Variants in MALRD1 observed in about 807,000 individuals in gnomAD.
MALRD1 encodes MAM and LDL receptor class A domain containing 1, also known as MAM and LDL-receptor class A domain-containing protein 1.
MALRD1 carries 247 observed loss-of-function variants against 242.1 expected under a neutral mutation model. The ratio of observed to expected loss-of-function variants is 1.02; its 90% CI spans 0.92 to 1.13. The LOEUF is 1.13. Ranked by LOEUF, MALRD1 falls within the 50% of genes most tolerant of loss-of-function variation. The probability of loss-of-function intolerance (pLI) is 0.00; values close to 1 mark genes in which losing one functional copy is unlikely to be tolerated. For missense variants in MALRD1, 2,989 were observed against 2,533.1 expected (o/e 1.18, Z -3.86); for synonymous variants, 995 against 866.6 (o/e 1.15, Z -2.60).
intron 26 of MALRD1, among the ~76,000 whole-genome samples, chr10:19,371,255 A>C (rs1189136775): frequency 6.6e-6 from 1 of 152,070 alleles, no homozygotes; most frequent in East Asian, 1.9e-4. Context: ...TCTCTTAAAA[A>C]ACAAAAGAAA....
chr10:19,617,816 A>G (rs1839229666), intron 36 of MALRD1, among the ~76,000 whole-genome samples: 1 of 152,146 alleles, frequency 6.6e-6, no homozygotes, highest in East Asian at 1.9e-4. Flanking sequence ...TGACAAGTTT[A>G]CTTATGTAAC....
chr10:19,159,721 T>C (rs531779168), intron 12 of MALRD1, among the ~76,000 whole-genome samples: 1 of 152,016 alleles, frequency 6.6e-6, no homozygotes, highest in South Asian at 2.1e-4. Context: ...TGTCCCAGAC[T>C]GAAGTATCAG....
intron 5 of MALRD1, among the ~76,000 whole-genome samples, chr10:19,119,767 A>G (rs1365067424): frequency 6.6e-6 from 1 of 152,182 alleles, no homozygotes; most frequent in East Asian, 1.9e-4. Context: ...TAGTCCCCAG[A>G]CAAGAAAGAG....
rs80095860 is a variant in MALRD1 at position 19,629,904 on chromosome 10, C to G, written c.6137+13981C>G. On this transcript the variant is annotated intron_variant, in intron 36 of 39. Transcript: ENST00000454679. ...CAGAGTAGAAGCTTTTGTGCTGTTGCTAGGTGGCTGATCTCTGCCTTACAG... is the reference window on the plus strand; with the variant it reads ...CAGAGTAGAAGCTTTTGTGCTGTTGGTAGGTGGCTGATCTCTGCCTTACAG... Among the ~76,000 whole-genome samples, 397 of 152,264 alleles carry G rather than the reference C, an allele frequency of 2.6e-3. 7 individuals carry two copies. In the East Asian group the frequency reaches 0.059, roughly 23 times the overall value.
In MALRD1 at chr10:19,473,648, A is replaced by G. The variant is rs572713927; in HGVS notation, c.5030-17869A>G. 4.6e-5 allele frequency among the ~76,000 whole-genome samples: 7 copies of G among 152,246 alleles called. No homozygotes were observed. In the South Asian group the frequency reaches 1.5e-3, roughly 32 times the overall value. ...GCTTATTCTGTTGTAGCCTGTGTCA[A>G]AACTTCCATGAAAACTTGTTTTTTT... On this transcript the variant is annotated intron_variant, in intron 29 of 39. Transcript: ENST00000454679.
At chr10:19,571,536 A>G (rs957214973) in intron 33 of MALRD1, among the ~76,000 whole-genome samples, 14 of 152,288 alleles carry the variant, frequency 9.2e-5, no homozygotes, top group South Asian at 4.1e-4. Flanking sequence ...ATTTTGAGAC[A>G]TTCCTCTTTA....
chr10:19,215,721 ATTAGTATAAATAAT>A lies in MALRD1; in HGVS notation c.2991+6056_2991+6069del, dbSNP rs1011515596. Among the ~76,000 whole-genome samples, 7 of 115,598 alleles carry A rather than the reference ATTAGTATAAATAAT, an allele frequency of 6.1e-5. 1 individual carries two copies. The South Asian group carries it at 1.6e-3, about 27-fold the overall frequency. The allele number at this position is 115,598 out of a possible 152,430, so 75.8% of individuals were successfully genotyped here. A position where few individuals can be genotyped will look rare whatever the true frequency, so the allele number is the denominator to read the frequency against. On this transcript the variant is annotated intron_variant, in intron 18 of 39. Transcript: ENST00000454679. ...ATCCTGTGCAGACGTGCTATAATAAATTAGTATAAATAATTTAGTATAAATAATAATTAGTATAA... is the reference window on the plus strand; with the variant it reads ...ATCCTGTGCAGACGTGCTATAATAAATTAGTATAAATAATAATTAGTATAA...
intron 29 of MALRD1, among the ~76,000 whole-genome samples, chr10:19,483,571 C>G (rs2131186899): frequency 6.6e-6 from 1 of 152,190 alleles, no homozygotes; most frequent in Middle Eastern, 3.4e-3. Flanking sequence ...CAGAGAAATG[C>G]AAATTAAAGC....
chr10:19,286,748 G>T (rs376281545), intron 21 of MALRD1, among the ~76,000 whole-genome samples: 2,472 of 151,304 alleles, frequency 0.016, 66 homozygotes, highest in African/African-American at 0.057. Flanking sequence ...GGTACAAGGA[G>T]GAACTGGTAC....
chr10:19,623,682 AG>A (rs1433217010), intron 36 of MALRD1, among the ~76,000 whole-genome samples: 1 of 152,164 alleles, frequency 6.6e-6, no homozygotes, highest in East Asian at 1.9e-4. Flanking sequence ...AACAGCAGCA[AG>A]ATGGTTGTCC....
intron 12 of MALRD1, among the ~76,000 whole-genome samples, chr10:19,164,139 G>A (rs73593848): frequency 0.021 from 3,273 of 152,278 alleles, 115 homozygotes; most frequent in African/African-American, 0.073. Flanking sequence ...GTCAAGGTGT[G>A]AATTAAGGTA....
At position 19,310,547 on chromosome 10, in the gene MALRD1, C is replaced by T. The variant is rs188970879; in HGVS notation, c.3420-13402C>T. 5.9e-5 allele frequency among the ~76,000 whole-genome samples: 9 copies of T among 151,588 alleles called. No homozygotes were observed. In the Admixed American group the frequency reaches 5.9e-4, roughly 10 times the overall value. On this transcript the variant is annotated intron_variant, in intron 21 of 39. Coordinates refer to ENST00000454679, the MANE Select transcript of MALRD1 (RefSeq NM_001142308.3). ...TGTTCTGTGAACACAGGAGATAATCCATCTTAGTTTTGAATTCTTTAGTTT... is the reference window on the plus strand; with the variant it reads ...TGTTCTGTGAACACAGGAGATAATCTATCTTAGTTTTGAATTCTTTAGTTT...
intron 28 of MALRD1, among the ~76,000 whole-genome samples, chr10:19,429,341 A>G (rs1005759455): frequency 1.3e-5 from 2 of 151,980 alleles, no homozygotes; most frequent in Non-Finnish European, 2.9e-5. Flanking sequence ...AGGCCGAGAC[A>G]GGTGGATTGC....
At chr10:19,391,482 C>T (rs1478639993) in intron 28 of MALRD1, among the ~76,000 whole-genome samples, 1 of 152,106 alleles carries the variant, frequency 6.6e-6, no homozygotes, top group African/African-American at 2.4e-5. Flanking sequence ...GATGGTAAGC[C>T]CAATAAAGGC....
intron 5 of MALRD1, among the ~76,000 whole-genome samples, chr10:19,112,736 G>T (rs558370736): frequency 6.6e-6 from 1 of 152,222 alleles, no homozygotes; most frequent in African/African-American, 2.4e-5. Flanking sequence ...TGAATATTTA[G>T]CTTTTAGCCT....
chr10:19,361,418 G>A (rs1276465763), intron 26 of MALRD1, among the ~76,000 whole-genome samples: 1 of 152,182 alleles, frequency 6.6e-6, no homozygotes, highest in Non-Finnish European at 1.5e-5. Context: ...ACACTAAAGA[G>A]CTGCCATATC....
intron 32 of MALRD1, among the ~76,000 whole-genome samples, chr10:19,532,208 A>T (rs1377677807): frequency 4.6e-5 from 7 of 152,196 alleles, no homozygotes; most frequent in Non-Finnish European, 7.3e-5. Flanking sequence ...TAACTTTTTC[A>T]ACATTTCACA....
rs1330419316 is a variant in MALRD1, at chr10:19,286,849, C to T, written c.3419+3668C>T. The stretch of plus-strand genomic sequence containing the variant: ...GCCAGCATCATTCTGATACCAAAGC[C>T]GGGCAGAGACACAACCAAAAAAGAG... On this transcript the variant is annotated intron_variant, in intron 21 of 39. Coordinates refer to ENST00000454679, the MANE Select transcript of MALRD1 (RefSeq NM_001142308.3). Among the ~76,000 whole-genome samples, 22 of 150,692 alleles carry T rather than the reference C, an allele frequency of 1.5e-4. 1 individual carries two copies. The highest frequency in any genetic ancestry group is 1.2e-3 in the Admixed American group (18 of 15,034).
chr10:19,390,956 A>C (rs2130819320), intron 28 of MALRD1, among the ~76,000 whole-genome samples: 1 of 152,304 alleles, frequency 6.6e-6, no homozygotes, highest in Non-Finnish European at 1.5e-5. Flanking sequence ...GGACTTCACC[A>C]ACACCCTTGA....
Sources: gnomAD v4.1 joint callset for allele counts (sites outside exome capture counted in the v4.1 genomes callset) on GRCh38, gnomAD v4.1.1 for gene constraint, MANE v1.5 for transcripts, NCBI Gene and HGNC (gene_info 2026-07-23, HGNC 2026-07-21) for gene names.